GFM2: variants seen among roughly 807,000 people sequenced by gnomAD.
GFM2 encodes the protein GTP dependent ribosome recycling factor mitochondrial 2.
A neutral mutation model predicts 95.4 loss-of-function variants in GFM2; 72 were observed. The ratio of observed to expected loss-of-function variants is 0.76; its 90% CI spans 0.62 to 0.92. The LOEUF is 0.92. Among genes scored for constraint, GFM2 ranks in the 40% least tolerant of loss-of-function variants. The pLI is 0.00. For missense variants in GFM2, 825 were observed against 924.1 expected, an observed-to-expected ratio of 0.89 and a Z score of 1.39; for synonymous variants, 276 against 317.5, an observed-to-expected ratio of 0.87 and a Z score of 1.39.
At chr5:74,752,014 A>T (rs1168612634) in intron 5 of GFM2, among the ~76,000 whole-genome samples, 2 of 152,172 alleles carry the variant, frequency 1.3e-5, no homozygotes, top group Non-Finnish European at 2.9e-5. Flanking sequence ...TAAAGTACCT[A>T]GTCTAGTAGA....
intron 10 of GFM2, among the ~76,000 whole-genome samples, chr5:74,744,789 ATTGT>A (rs1743295678): frequency 6.6e-6 from 1 of 152,172 alleles, no homozygotes; most frequent in Admixed American, 6.5e-5. Context: ...TCATAGCCAC[ATTGT>A]TTGTAACAGC....
intron 3 of GFM2, among the ~76,000 whole-genome samples, chr5:74,760,228 T>C (rs2112361982): frequency 6.6e-6 from 1 of 152,292 alleles, no homozygotes; most frequent in Admixed American, 6.5e-5. Flanking sequence ...TACAGTTAAA[T>C]TCATATTAGC....
chr5:74,728,801 G>GGTT (rs1470694503), intron 17 of GFM2, among the ~76,000 whole-genome samples: 1 of 131,818 alleles, frequency 7.6e-6, no homozygotes, highest in Non-Finnish European at 1.5e-5. Context: ...CTGTTGCCTG[G>GGTT]GTTGGAGTGT....
intron 16 of GFM2, chr5:74,730,901 C>A (rs1237469801): frequency 6.5e-6 from 1 of 152,772 alleles, no homozygotes; most frequent in African/African-American, 2.4e-5. Context: ...GCAACCTCCA[C>A]CTCCCAGGTT....
chr5:74,745,916 T>C (rs1743361331), intron 9 of GFM2, 59 bp from the exon 10 acceptor site: 14 of 1,376,888 alleles, frequency 1.0e-5, no homozygotes, highest in Non-Finnish European at 1.4e-5. Flanking sequence ...ACTACAATGA[T>C]GACAAGTCTT....
chr5:74,741,388 A>C, intron 11 of GFM2, 141 bp downstream of exon 11: 2 of 591,476 alleles, frequency 3.4e-6, no homozygotes, highest in East Asian at 2.9e-5. Context: ...ACTTTAACTT[A>C]ATGTTCTCCT....
intron 5 of GFM2, among the ~76,000 whole-genome samples, chr5:74,757,981 T>G (rs1194925861): frequency 6.6e-6 from 1 of 152,050 alleles, no homozygotes. Context: ...GAATTTCAAT[T>G]TTGAAAGATG....
chr5:74,737,462 C>T (rs1742892867), intron 14 of GFM2, among the ~76,000 whole-genome samples: 1 of 152,160 alleles, frequency 6.6e-6, no homozygotes. Flanking sequence ...AATTTCACTT[C>T]TAAACTTTTA....
intron 12 of GFM2, 63 bp from the exon 13 acceptor site, chr5:74,738,705 C>T (rs1036836926): frequency 1.4e-6 from 2 of 1,459,992 alleles, no homozygotes; most frequent in East Asian, 2.3e-5. Context: ...AGAAACTTAA[C>T]CTTAATGTCC....
chr5:74,732,292 G>A (rs1485274511), intron 16 of GFM2, among the ~76,000 whole-genome samples: 1 of 151,800 alleles, frequency 6.6e-6, no homozygotes, highest in Non-Finnish European at 1.5e-5. Context: ...TTTAATTACT[G>A]TTATCATACT....
intron 10 of GFM2, 33 bp downstream of exon 10, chr5:74,745,645 T>G: frequency 6.5e-7 from 1 of 1,528,950 alleles, no homozygotes; most frequent in Non-Finnish European, 9.0e-7. Flanking sequence ...GGTGCACACA[T>G]TGGTGTTCAT....
Position 74,759,250 on chromosome 5 carries a change from T to C in GFM2, c.206+119A>G, listed in dbSNP as rs1744154036. The C allele has an allele frequency of 1.2e-5, 8 of 680,606 alleles. No homozygotes were observed. In the Admixed American group the frequency reaches 2.1e-4, roughly 18 times the overall value. 42.2% of individuals were successfully genotyped at this position (680,606 alleles called of 1,614,324 possible). On this transcript the variant is annotated intron_variant, in intron 4 of 20. Coordinates refer to ENST00000296805, the MANE Select transcript of GFM2 (RefSeq NM_032380.5). ...GCTAAGATACATTATCAACATCTAC[T>C]TAAAATTGGCTAGGGCAGAAAGTCA...
intron 15 of GFM2, among the ~76,000 whole-genome samples, chr5:74,735,005 A>G (rs1242006111): frequency 1.3e-5 from 2 of 152,222 alleles, no homozygotes; most frequent in African/African-American, 4.8e-5. Flanking sequence ...CATCTGAAAT[A>G]TAAAATGACT....
chr5:74,729,984 A>G (rs1349772168), intron 17 of GFM2, among the ~76,000 whole-genome samples: 1 of 152,190 alleles, frequency 6.6e-6, no homozygotes, highest in South Asian at 2.1e-4. Context: ...GAGGACTGGG[A>G]CAAGCCATCG....
At chr5:74,766,496 G>A (rs904064663) in intron 1 of GFM2, among the ~76,000 whole-genome samples, 1 of 152,130 alleles carries the variant, frequency 6.6e-6, no homozygotes, top group African/African-American at 2.4e-5. Flanking sequence ...TTAAGTAGAC[G>A]TACTTTCTGG....
intron 5 of GFM2, among the ~76,000 whole-genome samples, chr5:74,752,390 T>C (rs1743764298): frequency 1.3e-5 from 2 of 152,322 alleles, no homozygotes; most frequent in South Asian, 2.1e-4. Flanking sequence ...CATATATGTG[T>C]ATGTGTATGT....
chr5:74,767,079 A>G lies in GFM2; in HGVS notation c.-166T>C. The G allele has an allele frequency of 2.3e-6, 1 of 437,342 alleles. No individual in the cohort carries two copies. The highest frequency in any genetic ancestry group is 3.7e-5 in the East Asian group (1 of 27,338). 27.1% of individuals were successfully genotyped at this position (437,342 alleles called of 1,614,324 possible). A position where few individuals can be genotyped will look rare whatever the true frequency, so the allele number is the denominator to read the frequency against. ...GGCAATGTATCTAAACGAAAAGAAA[A>G]TAGGCTTTCTCCGCTCTACCGCCTC... On this transcript the variant is annotated 5_prime_UTR_variant, in exon 1 of 21. Coordinates refer to ENST00000296805, the MANE Select transcript of GFM2 (RefSeq NM_032380.5).
In GFM2 at chr5:74,738,484, A is replaced by C; in HGVS notation, c.1220+18T>G. The C allele has an allele frequency of 6.2e-7, 1 of 1,610,708 alleles. No homozygotes were observed. On this transcript the variant is annotated intron_variant, in intron 13 of 20. Coordinates refer to ENST00000296805, the MANE Select transcript of GFM2 (RefSeq NM_032380.5). ...GAAGTGCATACAGTTTTATAAAATA[A>C]TCTAAGCTTCTACTTACGTGCAGTT...
At chr5:74,731,102 C>T (rs1027838174) in intron 16 of GFM2, among the ~76,000 whole-genome samples, 1 of 152,160 alleles carries the variant, frequency 6.6e-6, no homozygotes, top group Admixed American at 6.5e-5. Flanking sequence ...CGTGAGCCAC[C>T]GCACCCGGCC....
Sources: gnomAD v4.1 joint callset for allele counts (sites outside exome capture counted in the v4.1 genomes callset) on GRCh38, gnomAD v4.1.1 for gene constraint, MANE v1.5 for transcripts, NCBI Gene and HGNC (gene_info 2026-07-23, HGNC 2026-07-21) for gene names.